Variants in SCN9A observed in about 807,000 individuals in gnomAD.
The protein encoded by SCN9A is sodium voltage-gated channel alpha subunit 9.
SCN9A carries 131 observed loss-of-function variants against 187.0 expected under a neutral mutation model. The ratio of observed to expected loss-of-function variants is 0.70; its 90% CI spans 0.61 to 0.81. The LOEUF (loss-of-function observed/expected upper bound fraction) is 0.81, where lower values mean the gene tolerates loss of function less well. SCN9A is among the 30% of genes least tolerant of loss of function. The probability of loss-of-function intolerance (pLI) is 0.00; values close to 1 mark genes in which losing one functional copy is unlikely to be tolerated. For missense variants in SCN9A, 2,252 were observed against 2,396.6 expected, an observed-to-expected ratio of 0.94 and a Z score of 1.26; for synonymous variants, 809 against 808.6, an observed-to-expected ratio of 1.00 and a Z score of -0.01.
At chr2:166,234,751 T>A (rs75647785) in intron 20 of SCN9A, among the ~76,000 whole-genome samples, 4,005 of 150,588 alleles carry the variant, frequency 0.027, 185 homozygotes, top group African/African-American at 0.093. Flanking sequence ...AATCAGAAAA[T>A]TTTTTTTTTA....
chr2:166,283,984 C>T (rs970964240), intron 12 of SCN9A, among the ~76,000 whole-genome samples: 3 of 152,114 alleles, frequency 2.0e-5, no homozygotes, highest in African/African-American at 7.2e-5. Flanking sequence ...GTCATAAATA[C>T]TAAATATGTG....
intron 1 of SCN9A, among the ~76,000 whole-genome samples, chr2:166,359,754 T>G (rs1270271264): frequency 8.6e-6 from 1 of 116,464 alleles, no homozygotes; most frequent in African/African-American, 3.8e-5. Flanking sequence ...TAATTTTATA[T>G]TCAGACAACT....
At chr2:166,284,921 T>G in intron 11 of SCN9A, 97 bp from the exon 12 acceptor site, 1 of 1,331,466 alleles carries the variant, frequency 7.5e-7, no homozygotes, top group Non-Finnish European at 1.0e-6. Context: ...TGAGGGCAGG[T>G]GGCTCTGTAC....
At position 166,204,027 on chromosome 2, in the gene SCN9A, A is replaced by T. The variant is rs758356126; in HGVS notation, c.4702T>A (p.Ser1568Thr). ...ACAGTGAAGTAGTAGTGTCTGAGGGAGATCAGTTTTAGCACACATTCTCCA... is the reference window on the plus strand; with the variant it reads ...ACAGTGAAGTAGTAGTGTCTGAGGGTGATCAGTTTTAGCACACATTCTCCA... ...FTGECVLKLI[S>T]LRHYYFTVGW... Residue 1568 changes from serine (S) to threonine (T), a missense_variant, in exon 26 of 27, where the codon TCC becomes ACC. By Grantham distance (58) the Ser-to-Thr change is moderately conservative. Coordinates refer to ENST00000642356, the MANE Select transcript of SCN9A (RefSeq NM_001365536.1). 1 of 1,608,474 alleles carries T rather than the reference A, an allele frequency of 6.2e-7. No homozygotes were observed. The highest frequency in any genetic ancestry group is 8.5e-7 in the Non-Finnish European group (1 of 1,175,432).
chr2:166,205,106 A>G (rs1337445998), intron 24 of SCN9A: 1 of 152,198 alleles, frequency 6.6e-6, no homozygotes. Flanking sequence ...TATAAATTCA[A>G]TGCTATCCCC....
intron 9 of SCN9A, among the ~76,000 whole-genome samples, chr2:166,290,422 G>A (rs62178520): frequency 3.1e-4 from 47 of 152,160 alleles, no homozygotes; most frequent in East Asian, 1.4e-3. Context: ...TATTCGTTTC[G>A]GTATATACCC....
intron 9 of SCN9A, among the ~76,000 whole-genome samples, chr2:166,292,873 G>C (rs930528996): frequency 6.6e-6 from 1 of 152,122 alleles, no homozygotes; most frequent in African/African-American, 2.4e-5. Flanking sequence ...GAACATCAGA[G>C]AGCCTCTTCT....
chr2:166,227,795 CT>C lies in SCN9A; in HGVS notation c.4207-73del, dbSNP rs1694902431. 11 of 786,568 alleles carry C rather than the reference CT, an allele frequency of 1.4e-5. No individual in the cohort carries two copies. In the Admixed American group the frequency reaches 2.3e-4, roughly 17 times the overall value. 48.7% of individuals were successfully genotyped at this position (786,568 alleles called of 1,614,324 possible). On this transcript the variant is annotated intron_variant, in intron 22 of 26. Transcript: ENST00000642356. Reference sequence around the variant, plus strand: ...AAAATAGCCATAAACAGAGTTTTGTCTGTTTAATGTTACCACAATTATTAAG... The same window carrying C: ...AAAATAGCCATAAACAGAGTTTTGTCGTTTAATGTTACCACAATTATTAAG...
At chr2:166,298,824 T>G (rs1451390225) in intron 7 of SCN9A, 1 of 152,196 alleles carries the variant, frequency 6.6e-6, no homozygotes, top group Non-Finnish European at 1.5e-5. Context: ...CACAACCAAG[T>G]GAATGGTTAT....
intron 1 of SCN9A, among the ~76,000 whole-genome samples, chr2:166,374,024 C>T (rs368150079): frequency 2.0e-5 from 3 of 152,094 alleles, no homozygotes; most frequent in African/African-American, 4.8e-5. Flanking sequence ...GCTTCTGAAA[C>T]TCAGCACAGC....
intron 1 of SCN9A, among the ~76,000 whole-genome samples, chr2:166,314,396 T>C (rs961739936): frequency 6.6e-6 from 1 of 152,172 alleles, no homozygotes; most frequent in Non-Finnish European, 1.5e-5. Flanking sequence ...CATATACACA[T>C]TCAAAAGTAG....
At chr2:166,240,176 A>C (rs2106406754) in intron 19 of SCN9A, among the ~76,000 whole-genome samples, 1 of 152,332 alleles carries the variant, frequency 6.6e-6, no homozygotes, top group Non-Finnish European at 1.5e-5. Context: ...AAATATCATA[A>C]TCTCACAGGG....
At position 166,354,803 on chromosome 2, in the gene SCN9A, T is replaced by C. The variant is rs145366755; in HGVS notation, c.-51+20894A>G. On this transcript the variant is annotated intron_variant, in intron 1 of 26. Transcript: ENST00000642356. ...CCATTAAATCCAAGACACATTTATT[T>C]GCAGAAAGTTGCACATGTGACTAAT... Among the ~76,000 whole-genome samples, 127 of 152,344 alleles carry C rather than the reference T, an allele frequency of 8.3e-4. No homozygotes were observed. In the Middle Eastern group the frequency reaches 0.01, roughly 12 times the overall value.
intron 2 of SCN9A, among the ~76,000 whole-genome samples, chr2:166,309,396 A>G (rs1174429576): frequency 6.6e-6 from 1 of 152,246 alleles, no homozygotes; most frequent in Non-Finnish European, 1.5e-5. Context: ...AGGTATGATT[A>G]TAAAATTTGG....
chr2:166,217,761 G>C (rs904144676), intron 24 of SCN9A, among the ~76,000 whole-genome samples: 2 of 152,064 alleles, frequency 1.3e-5, no homozygotes, highest in Non-Finnish European at 2.9e-5. Context: ...TACATTGTTA[G>C]TGAAAATGTA....
At chr2:166,371,107 A>G (rs1700550150) in intron 1 of SCN9A, among the ~76,000 whole-genome samples, 1 of 152,240 alleles carries the variant, frequency 6.6e-6, no homozygotes, top group Admixed American at 6.5e-5. Flanking sequence ...ACAGTAATAT[A>G]TGGCATTTTT....
chr2:166,367,432 T>C (rs908066897), intron 1 of SCN9A, among the ~76,000 whole-genome samples: 24 of 151,994 alleles, frequency 1.6e-4, no homozygotes, highest in African/African-American at 5.8e-4. Flanking sequence ...CTGGATAGTT[T>C]TTGTATTTTT....
At chr2:166,294,249 G>T (rs1698203410) in intron 8 of SCN9A, among the ~76,000 whole-genome samples, 1 of 152,194 alleles carries the variant, frequency 6.6e-6, no homozygotes, top group African/African-American at 2.4e-5. Flanking sequence ...GAACTTGGGA[G>T]TAGAAAGAAA....
intron 1 of SCN9A, among the ~76,000 whole-genome samples, chr2:166,364,001 A>G (rs1700353816): frequency 6.6e-6 from 1 of 152,110 alleles, no homozygotes; most frequent in Admixed American, 6.6e-5. Flanking sequence ...AACAAAAAAT[A>G]AACAAGCAGA....
Sources: allele counts gnomAD v4.1 joint callset (sites outside exome capture counted in the v4.1 genomes callset), GRCh38; gene constraint gnomAD v4.1.1; transcripts MANE v1.5; gene names NCBI Gene and HGNC (gene_info 2026-07-23, HGNC 2026-07-21).